The following TRAPPC10 variants were observed in gnomAD, a reference collection of about 807,000 sequenced individuals.
TRAPPC10 encodes trafficking protein particle complex subunit 10.
A neutral mutation model predicts 125.5 loss-of-function variants in TRAPPC10; 23 were observed. The ratio of observed to expected loss-of-function variants is 0.18; its 90% confidence interval spans 0.13 to 0.26. TRAPPC10 has a LOEUF of 0.26. Among genes scored for constraint, TRAPPC10 ranks in the 10% least tolerant of loss-of-function variants. The probability of loss-of-function intolerance (pLI) is 1.00; values close to 1 mark genes in which losing one functional copy is unlikely to be tolerated. For synonymous variants in TRAPPC10, 509 were observed against 518.0 expected (o/e 0.98, Z 0.24); for missense variants, 1,123 against 1,308.4 (o/e 0.86, Z 2.19).
chr21:44,063,046 C>G lies in TRAPPC10; in HGVS notation c.791-492C>G. 1 of 1,304,368 alleles carries G rather than the reference C, an allele frequency of 7.7e-7. No homozygotes were observed. Among genetic ancestry groups the G allele is most frequent in the Non-Finnish European group, 1.0e-6 (1 of 989,094 alleles). 80.8% of individuals were successfully genotyped at this position (1,304,368 alleles called of 1,614,324 possible). On this transcript the variant is annotated intron_variant, in intron 6 of 22. Transcript: ENST00000291574. This position sits in a 1 kb window ranked among gnomAD's most constrained non-coding sequence, Gnocchi z 4.4. ...TGCTACCAAGTCCTCCCTGTCCCTT[C>G]CTCCAGGAGCTTGACTCAGGGACGT...
At chr21:44,060,263 T>C (rs1039244339) in intron 6 of TRAPPC10, 3 of 149,900 alleles carry the variant, frequency 2.0e-5, no homozygotes, top group African/African-American at 7.4e-5. Flanking sequence ...CTATTTCTTA[T>C]ATTTTATGTG....
chr21:44,078,440 T>TAAAA (rs34659269), intron 11 of TRAPPC10, among the ~76,000 whole-genome samples: 2 of 126,060 alleles, frequency 1.6e-5, no homozygotes, highest in Non-Finnish European at 1.8e-5. Flanking sequence ...TTTCATTTTC[T>TAAAA]AAAAAAAAAA....
chr21:44,086,068 T>C (rs983172559), intron 15 of TRAPPC10, among the ~76,000 whole-genome samples: 1 of 152,244 alleles, frequency 6.6e-6, no homozygotes, highest in African/African-American at 2.4e-5. Flanking sequence ...GATTCTTCCA[T>C]TGGAACATTG....
intron 3 of TRAPPC10, among the ~76,000 whole-genome samples, chr21:44,045,586 C>T (rs571529793): frequency 6.6e-6 from 1 of 151,932 alleles, no homozygotes; most frequent in African/African-American, 2.4e-5. Flanking sequence ...GAGTCTCGCA[C>T]TGTTGCCCAG....
intron 2 of TRAPPC10, among the ~76,000 whole-genome samples, chr21:44,032,936 GT>G (rs1212572536): frequency 6.6e-6 from 1 of 152,142 alleles, no homozygotes; most frequent in African/African-American, 2.4e-5. Flanking sequence ...GGACAAGAAG[GT>G]AAACAGAAAG....
intron 3 of TRAPPC10, among the ~76,000 whole-genome samples, chr21:44,048,450 T>G (rs1446414699): frequency 1.3e-5 from 2 of 152,062 alleles, no homozygotes; most frequent in South Asian, 2.1e-4. Flanking sequence ...AACCACTGAT[T>G]CATGTTTCTT....
At chr21:44,052,590 G>A (rs377133819) in intron 4 of TRAPPC10, 114 bp downstream of exon 4, 47 of 1,038,314 alleles carry the variant, frequency 4.5e-5, no homozygotes, top group South Asian at 3.6e-4. Context: ...GTGTCCATGG[G>A]GTGCTGTCAA....
intron 10 of TRAPPC10, among the ~76,000 whole-genome samples, chr21:44,077,075 G>T (rs185805588): frequency 6.6e-6 from 1 of 152,158 alleles, no homozygotes; most frequent in Admixed American, 6.5e-5. Context: ...TGGTCTGCCC[G>T]TAATGGCTGT....
In TRAPPC10 at chr21:44,032,379, CTTTTTTTTT is replaced by C. The variant is rs1200011844; in HGVS notation, c.149+220_149+228del. ...ATTCTTTATGGAATGCCATGGTTTT[CTTTTTTTTT>C]TTTTTTTTTTTTGAGACAGAGTCTC... On this transcript the variant is annotated intron_variant, in intron 2 of 22. Transcript: ENST00000291574. 2.2e-4 allele frequency among the ~76,000 whole-genome samples: 24 copies of C among 108,460 alleles called. 1 individual carries two copies. In the East Asian group the frequency reaches 5.4e-3, roughly 25 times the overall value. The allele number at this position is 108,460 out of a possible 152,430, so 71.2% of individuals were successfully genotyped here.
chr21:44,013,843 C>T lies in TRAPPC10; in HGVS notation c.67+1283C>T, dbSNP rs2031485457. Among the ~76,000 whole-genome samples, 3 of 152,018 alleles carry T rather than the reference C, an allele frequency of 2.0e-5. No individual in the cohort carries two copies. The South Asian group carries it at 6.2e-4, about 31-fold the overall frequency. On this transcript the variant is annotated intron_variant, in intron 1 of 22. Transcript: ENST00000291574. ...TCAGCAGTAGCTGTCTTTTTTCCTC[C>T]CCAGAATATTTGTCAGCTGAAAGTC... is the stretch of plus-strand genomic sequence containing the variant.
chr21:44,060,642 C>T (rs1489655535), intron 6 of TRAPPC10, among the ~76,000 whole-genome samples: 3 of 151,904 alleles, frequency 2.0e-5, no homozygotes, highest in Non-Finnish European at 2.9e-5. Flanking sequence ...ACTCTGTCCC[C>T]CAGGCTGGAG....
At chr21:44,073,847 G>C (rs763141375) in intron 7 of TRAPPC10, among the ~76,000 whole-genome samples, 3 of 152,038 alleles carry the variant, frequency 2.0e-5, no homozygotes, top group Non-Finnish European at 4.4e-5. Flanking sequence ...GCTGTTGAAC[G>C]TGATCTTTCT....
At chr21:44,051,679 C>T (rs2035241701) in intron 3 of TRAPPC10, among the ~76,000 whole-genome samples, 1 of 152,258 alleles carries the variant, frequency 6.6e-6, no homozygotes, top group Admixed American at 6.5e-5. Flanking sequence ...CTTGCGGAAG[C>T]TGCAGGTCGC....
intron 3 of TRAPPC10, chr21:44,046,771 G>T (rs369849252): frequency 4.3e-6 from 2 of 466,888 alleles, no homozygotes. Flanking sequence ...GCCTCCCAAA[G>T]TGCTGGGATT....
intron 1 of TRAPPC10, among the ~76,000 whole-genome samples, chr21:44,023,114 G>A (rs1488858139): frequency 7.5e-6 from 1 of 133,708 alleles, no homozygotes; most frequent in African/African-American, 3.0e-5. Flanking sequence ...CTCACTGCAA[G>A]TTCCACCTCC....
At chr21:44,092,161 A>T in intron 19 of TRAPPC10, 112 bp downstream of exon 19, 1 of 1,380,048 alleles carries the variant, frequency 7.2e-7, no homozygotes, top group Non-Finnish European at 9.9e-7. Context: ...TGCACTGCTG[A>T]TGAGTAAAGG....
intron 6 of TRAPPC10, chr21:44,062,548 G>C: frequency 2.0e-6 from 2 of 984,914 alleles, no homozygotes; most frequent in Non-Finnish European, 2.4e-6. Context: ...TGTGGGAGGG[G>C]AGCCTAGCCA....
rs375676090 is a variant in TRAPPC10, at chr21:44,016,194, A to G, written c.67+3634A>G. Among the ~76,000 whole-genome samples, 5 of 152,356 alleles carry G rather than the reference A, an allele frequency of 3.3e-5. No individual in the cohort carries two copies. In the East Asian group the frequency reaches 5.8e-4, roughly 18 times the overall value. ...TGCCTGGCGTAACTGAAACAAATCC[A>G]GCAGATCCATTTGGTCTAAATTTAA... On this transcript the variant is annotated intron_variant, in intron 1 of 22. Coordinates refer to ENST00000291574, the MANE Select transcript of TRAPPC10 (RefSeq NM_003274.5).
In TRAPPC10 at chr21:44,035,700, C is replaced by T. The variant is rs541527054; in HGVS notation, c.150-2092C>T. 7.2e-5 allele frequency among the ~76,000 whole-genome samples: 11 copies of T among 152,254 alleles called. No individual in the cohort carries two copies. The South Asian group carries it at 2.3e-3, about 32-fold the overall frequency. On this transcript the variant is annotated intron_variant, in intron 2 of 22. Transcript: ENST00000291574. ...GCTGAGGCAGGAGAATTGCTTGAAC[C>T]TGGGAGGAGGAGATTGCAGTGAGCC...
Sources: allele counts gnomAD v4.1 joint callset (sites outside exome capture counted in the v4.1 genomes callset), GRCh38; gene constraint gnomAD v4.1.1; non-coding constraint Gnocchi (gnomAD v3.1); transcripts MANE v1.5; gene names NCBI Gene and HGNC (gene_info 2026-07-23, HGNC 2026-07-21).